LUZP2: variants seen among roughly 807,000 people sequenced by gnomAD.
The protein encoded by LUZP2 is leucine zipper protein 2.
Under a neutral mutation model 51.6 loss-of-function variants are expected in LUZP2, and 52 were observed. The ratio of observed to expected loss-of-function variants is 1.01; its 90% CI spans 0.81 to 1.27. The LOEUF (loss-of-function observed/expected upper bound fraction) is 1.27. LUZP2 is among the 50% of genes most tolerant of loss of function. The pLI, the probability that LUZP2 is intolerant of heterozygous loss-of-function variation, is 0.00. For missense variants in LUZP2, 436 were observed against 395.4 expected (o/e 1.10, Z -0.87); for synonymous variants, 154 against 137.3 (o/e 1.12, Z -0.85).
At chr11:24,617,020 T>G (rs79219864) in intron 1 of LUZP2, among the ~76,000 whole-genome samples, 3,939 of 152,302 alleles carry the variant, frequency 0.026, 171 homozygotes, top group African/African-American at 0.09. Context: ...TCCTGTTGGT[T>G]GACGGCATGA....
intron 5 of LUZP2, among the ~76,000 whole-genome samples, chr11:24,862,305 A>C (rs1017823261): frequency 6.6e-6 from 1 of 152,216 alleles, no homozygotes; most frequent in African/African-American, 2.4e-5. Flanking sequence ...AATAAGCTTC[A>C]TAAGCAAAGG....
chr11:25,002,180 T>C (rs1252900612), intron 9 of LUZP2, among the ~76,000 whole-genome samples: 1 of 152,250 alleles, frequency 6.6e-6, no homozygotes, highest in Non-Finnish European at 1.5e-5. Flanking sequence ...TTCTGCTAAC[T>C]GGGTGCTGGT....
At chr11:24,737,926 C>T (rs1248731384) in intron 3 of LUZP2, among the ~76,000 whole-genome samples, 1 of 151,962 alleles carries the variant, frequency 6.6e-6, no homozygotes, top group Non-Finnish European at 1.5e-5. Context: ...TTATATATTG[C>T]TTTGATTTAA....
Position 24,934,723 on chromosome 11 carries a change from C to T in LUZP2, c.522+20185C>T, listed in dbSNP as rs184651013. Among the ~76,000 whole-genome samples the T allele has an allele frequency of 6.7e-3, 1,014 of 152,266 alleles. 6 individuals are homozygous for T. Among genetic ancestry groups the T allele is most frequent in the African/African-American group, 0.019 (789 of 41,566 alleles). On this transcript the variant is annotated intron_variant, in intron 7 of 11. Coordinates refer to ENST00000336930, the MANE Select transcript of LUZP2 (RefSeq NM_001009909.4). Reference sequence around the variant, plus strand: ...ATTTGTGTTTCCCCAATCTGACACGCTGTGCCTATTTCAGACCTTGCTAAT... The same window carrying T: ...ATTTGTGTTTCCCCAATCTGACACGTTGTGCCTATTTCAGACCTTGCTAAT...
At chr11:24,779,008 T>C (rs1454302027) in intron 5 of LUZP2, among the ~76,000 whole-genome samples, 1 of 152,182 alleles carries the variant, frequency 6.6e-6, no homozygotes, top group African/African-American at 2.4e-5. Context: ...CTAGAGATTT[T>C]CTGAGCATTT....
At chr11:24,573,725 AT>A (rs1053320041) in intron 1 of LUZP2, among the ~76,000 whole-genome samples, 4 of 151,742 alleles carry the variant, frequency 2.6e-5, no homozygotes, top group Non-Finnish European at 5.9e-5. Context: ...AGACAAAATA[AT>A]TTTTGCTTCC....
chr11:25,044,082 A>T (rs1303885951), intron 9 of LUZP2, among the ~76,000 whole-genome samples: 3 of 16,912 alleles, frequency 1.8e-4, no homozygotes, highest in African/African-American at 6.5e-4. Context: ...ATCTGATAAG[A>T]CTATATATAT....
intron 9 of LUZP2, among the ~76,000 whole-genome samples, chr11:25,032,391 T>C (rs1185045103): frequency 6.6e-6 from 1 of 152,188 alleles, no homozygotes; most frequent in Admixed American, 6.6e-5. Flanking sequence ...TTAATCACTA[T>C]GAGTTTCAAT....
chr11:24,894,171 A>AATCCT, intron 5 of LUZP2, among the ~76,000 whole-genome samples: 1 of 135,282 alleles, frequency 7.4e-6, no homozygotes, highest in Admixed American at 8.1e-5. Context: ...TTCTAAAGTA[A>AATCCT]TTCATTTTTT....
intron 1 of LUZP2, among the ~76,000 whole-genome samples, chr11:24,500,357 A>G (rs1223352587): frequency 6.6e-6 from 1 of 152,200 alleles, no homozygotes; most frequent in Non-Finnish European, 1.5e-5. Flanking sequence ...TGTAACTAAT[A>G]CAGAAACTCA....
At chr11:24,633,964 G>GTGTGTGTATA (rs141308575) in intron 1 of LUZP2, among the ~76,000 whole-genome samples, 1 of 149,138 alleles carries the variant, frequency 6.7e-6, no homozygotes. Context: ...GTGTGTGTGT[G>GTGTGTGTATA]TATATATAGT....
In LUZP2 at chr11:25,019,911, G is replaced by C. The variant is rs1191230838; in HGVS notation, c.766-30127G>C. ...TTTTCACATATTGGCATATTGTTTT[G>C]ATGTAGTGTCATATACTTTATCTTC... On this transcript the variant is annotated intron_variant, in intron 9 of 11. Coordinates refer to ENST00000336930, the MANE Select transcript of LUZP2 (RefSeq NM_001009909.4). Among the ~76,000 whole-genome samples, 5 of 150,658 alleles carry C rather than the reference G, an allele frequency of 3.3e-5. No homozygotes were observed. In the East Asian group the frequency reaches 9.7e-4, roughly 29 times the overall value.
At chr11:24,795,301 G>A (rs1004492923) in intron 5 of LUZP2, among the ~76,000 whole-genome samples, 5 of 151,754 alleles carry the variant, frequency 3.3e-5, no homozygotes, top group Non-Finnish European at 5.9e-5. Context: ...ACTCCACCTA[G>A]AGAAAAATTG....
At chr11:24,816,135 A>G (rs921937073) in intron 5 of LUZP2, among the ~76,000 whole-genome samples, 1 of 152,074 alleles carries the variant, frequency 6.6e-6, no homozygotes, top group African/African-American at 2.4e-5. Context: ...ATGATAAAAA[A>G]TAATTTTGTG....
At chr11:24,934,467 G>A (rs1051865542) in intron 7 of LUZP2, among the ~76,000 whole-genome samples, 5 of 152,012 alleles carry the variant, frequency 3.3e-5, no homozygotes, top group African/African-American at 1.2e-4. Flanking sequence ...AACTGAATGT[G>A]TTCCATAACT....
chr11:25,030,957 AATACAATATATAT>A (rs1565254842), intron 9 of LUZP2, among the ~76,000 whole-genome samples: 330 of 2,018 alleles, frequency 0.16, 45 homozygotes, highest in Admixed American at 0.28. Flanking sequence ...TTATATATAT[AATACAATATATAT>A]TATATATATA....
intron 5 of LUZP2, among the ~76,000 whole-genome samples, chr11:24,789,723 A>G (rs1411825254): frequency 6.6e-6 from 1 of 152,124 alleles, no homozygotes; most frequent in Non-Finnish European, 1.5e-5. Flanking sequence ...TCTGATGAGG[A>G]CTCACTTTCT....
intron 5 of LUZP2, among the ~76,000 whole-genome samples, chr11:24,764,368 C>G (rs1452630470): frequency 6.6e-6 from 1 of 151,408 alleles, no homozygotes; most frequent in Non-Finnish European, 1.5e-5. Context: ...TTTCAAAAAA[C>G]CACTAGGCTG....
intron 5 of LUZP2, among the ~76,000 whole-genome samples, chr11:24,849,588 G>A (rs1851322306): frequency 6.6e-6 from 1 of 152,230 alleles, no homozygotes; most frequent in East Asian, 1.9e-4. Flanking sequence ...ATAAACATAC[G>A]TGTGCATGTT....
Sources: allele counts gnomAD v4.1 joint callset (sites outside exome capture counted in the v4.1 genomes callset), GRCh38; gene constraint gnomAD v4.1.1; transcripts MANE v1.5; gene names NCBI Gene and HGNC (gene_info 2026-07-23, HGNC 2026-07-21).